TENM4: variants seen among roughly 807,000 people sequenced by gnomAD.
TENM4 encodes teneurin transmembrane protein 4.
TENM4 carries 82 observed loss-of-function variants against 243.3 expected under a neutral mutation model. That is an observed-to-expected ratio of 0.34 (90% CI 0.28 to 0.40). The LOEUF is 0.40. Among genes scored for constraint, TENM4 ranks in the 10% least tolerant of loss-of-function variants. TENM4 has a pLI of 1.00. For missense variants in TENM4, 3,138 were observed against 3,673.3 expected, an observed-to-expected ratio of 0.85 and a Z score of 3.77; for synonymous variants, 1,412 against 1,456.3, an observed-to-expected ratio of 0.97 and a Z score of 0.69.
chr11:78,783,794 A>G (rs925575691), intron 16 of TENM4, among the ~76,000 whole-genome samples: 3 of 152,338 alleles, frequency 2.0e-5, no homozygotes, highest in Non-Finnish European at 2.9e-5. Context: ...TGTAGCTTCC[A>G]TGAAAGATAA....
intron 4 of TENM4, among the ~76,000 whole-genome samples, chr11:79,137,363 C>A (rs754914392): frequency 6.6e-6 from 1 of 152,082 alleles, no homozygotes; most frequent in Non-Finnish European, 1.5e-5. Context: ...TACAGGAGAT[C>A]CATTAGGGCA....
intron 6 of TENM4, among the ~76,000 whole-genome samples, chr11:78,928,120 A>T (rs1591136652): frequency 6.6e-6 from 1 of 152,052 alleles, no homozygotes; most frequent in Admixed American, 6.6e-5. Flanking sequence ...CCATCCCTAG[A>T]CTACCCCAGC....
chr11:79,011,234 G>T lies in TENM4; in HGVS notation c.493+53504C>A, dbSNP rs192465088. ...CAAGAGGGTGCTCGCTCAGCTTTCT[G>T]CTTGCTCCCTTATTGGCTGGGCACT... On this transcript the variant is annotated intron_variant, in intron 6 of 33. Coordinates refer to ENST00000278550, the MANE Select transcript of TENM4 (RefSeq NM_001098816.3). Among the ~76,000 whole-genome samples, 4 of 152,292 alleles carry T rather than the reference G, an allele frequency of 2.6e-5. No individual in the cohort carries two copies. In the East Asian group the frequency reaches 7.7e-4, roughly 29 times the overall value.
chr11:79,044,328 G>A (rs1193518710), intron 6 of TENM4, among the ~76,000 whole-genome samples: 1 of 152,160 alleles, frequency 6.6e-6, no homozygotes, highest in Non-Finnish European at 1.5e-5. Context: ...AGAAGGTCAG[G>A]GCACTAATAA....
At chr11:79,416,133 T>G (rs1386795437) in intron 1 of TENM4, among the ~76,000 whole-genome samples, 1 of 152,246 alleles carries the variant, frequency 6.6e-6, no homozygotes. Context: ...TGTTTATCCA[T>G]TCACCTGTTG....
intron 6 of TENM4, among the ~76,000 whole-genome samples, chr11:78,959,934 T>C (rs192073746): frequency 2.3e-4 from 35 of 151,952 alleles, no homozygotes; most frequent in African/African-American, 7.5e-4. Context: ...ATTACACATA[T>C]ACACACACAC....
chr11:78,875,958 T>G lies in TENM4; in HGVS notation c.1085-12826A>C, dbSNP rs1046853212. On this transcript the variant is annotated intron_variant, in intron 9 of 33. Coordinates refer to ENST00000278550, the MANE Select transcript of TENM4 (RefSeq NM_001098816.3). ...AGGCAAGCTGCAGACAGAAGGGCAA[T>G]GTGGCCCTTGTTTGTTCTGAGCCTC... Among the ~76,000 whole-genome samples, 3 of 152,170 alleles carry G rather than the reference T, an allele frequency of 2.0e-5. No homozygotes were observed. The East Asian group carries it at 5.8e-4, about 29-fold the overall frequency.
intron 11 of TENM4, 75 bp from the exon 12 acceptor site, chr11:78,854,389 T>G: frequency 7.5e-7 from 1 of 1,339,534 alleles, no homozygotes. Context: ...GGGCTTCTCC[T>G]GGAGAGGACA....
At chr11:79,337,820 G>A (rs977081876) in intron 1 of TENM4, among the ~76,000 whole-genome samples, 3 of 152,024 alleles carry the variant, frequency 2.0e-5, no homozygotes, top group Admixed American at 6.6e-5. Flanking sequence ...CCATGCCATC[G>A]AAGGCCTTGC....
At chr11:79,131,929 A>G (rs1390980073) in intron 4 of TENM4, among the ~76,000 whole-genome samples, 1 of 152,230 alleles carries the variant, frequency 6.6e-6, no homozygotes, top group African/African-American at 2.4e-5. Flanking sequence ...AACAGAAGTT[A>G]AAAGAGACAG....
chr11:78,958,812 A>G (rs1471302201), intron 6 of TENM4, among the ~76,000 whole-genome samples: 7 of 152,240 alleles, frequency 4.6e-5, no homozygotes, highest in Admixed American at 6.5e-5. Flanking sequence ...TTTGTAATTT[A>G]AAATATAATC....
intron 1 of TENM4, among the ~76,000 whole-genome samples, chr11:79,314,106 G>T (rs1856765798): frequency 6.6e-6 from 1 of 152,150 alleles, no homozygotes; most frequent in Non-Finnish European, 1.5e-5. Context: ...GAAGGCCTGG[G>T]TTCAAATCCA....
In TENM4 at chr11:79,047,756, G is replaced by C. The variant is rs34816146; in HGVS notation, c.493+16982C>G. Among the ~76,000 whole-genome samples, 1,140 of 152,248 alleles carry C rather than the reference G, an allele frequency of 7.5e-3. 11 individuals carry two copies. The highest frequency in any genetic ancestry group is 0.013 in the Non-Finnish European group (868 of 68,014). Reference sequence around the variant, plus strand: ...TTCAGCCTTATTAGGCAGGTGGCCTGACAGCTGGCACTTAATTTGTTTGAG... The same window carrying C: ...TTCAGCCTTATTAGGCAGGTGGCCTCACAGCTGGCACTTAATTTGTTTGAG... On this transcript the variant is annotated intron_variant, in intron 6 of 33. Coordinates refer to ENST00000278550, the MANE Select transcript of TENM4 (RefSeq NM_001098816.3).
intron 16 of TENM4, among the ~76,000 whole-genome samples, chr11:78,779,787 G>A (rs757168106): frequency 5.9e-5 from 9 of 152,252 alleles, no homozygotes; most frequent in African/African-American, 1.4e-4. Context: ...AGACAGGACC[G>A]GACTGCAACG....
At position 78,862,980 on chromosome 11, in the gene TENM4, C is replaced by T. The variant is rs1436712706; in HGVS notation, c.1237G>A (p.Gly413Ser). The change falls in exon 10 of 34, where the codon GGC becomes AGC. Residue 413 changes from glycine to serine, a missense_variant. Gly to Ser is a moderately conservative substitution (Grantham distance 56, BLOSUM62 0). Around this residue, in one of 2 missense-constraint regions of TENM4, gnomAD observed 671 missense variants for 614.1 expected, o/e 1.09. Coordinates refer to ENST00000278550, the MANE Select transcript of TENM4 (RefSeq NM_001098816.3). The part of the protein sequence containing the change: ...GTGLETPDRK[G>S]KGTTEGKPSS... ...ACCCTACCTTCTGTGGTTCCTTTGC[C>T]TTTCCTGTCAGGGGTCTCTAAGCCA... 1 of 1,470,488 alleles carries T rather than the reference C, an allele frequency of 6.8e-7. No homozygotes were observed. Among genetic ancestry groups the T allele is most frequent in the Non-Finnish European group, 9.2e-7 (1 of 1,091,600 alleles). 91.1% of individuals were successfully genotyped at this position (1,470,488 alleles called of 1,614,324 possible).
intron 4 of TENM4, among the ~76,000 whole-genome samples, chr11:79,124,393 A>G (rs1861818252): frequency 6.6e-6 from 1 of 152,138 alleles, no homozygotes; most frequent in Non-Finnish European, 1.5e-5. Context: ...GCAGGCAGAA[A>G]AATGTGAAAG....
chr11:79,363,518 G>A lies in TENM4; in HGVS notation c.-320-65975C>T, dbSNP rs942952092. Among the ~76,000 whole-genome samples the A allele has an allele frequency of 3.9e-5, 6 of 152,230 alleles. No individual in the cohort carries two copies. In the East Asian group the frequency reaches 7.7e-4, roughly 20 times the overall value. On this transcript the variant is annotated intron_variant, in intron 1 of 33. Coordinates refer to ENST00000278550, the MANE Select transcript of TENM4 (RefSeq NM_001098816.3). ...TCGGTGCAGTCTGTTGTGACTATCC[G>A]CTGTCTCTGAAACTCATGTTTCCTC...
intron 23 of TENM4, among the ~76,000 whole-genome samples, chr11:78,725,039 A>G (rs930284856): frequency 6.6e-6 from 1 of 152,158 alleles, no homozygotes; most frequent in Non-Finnish European, 1.5e-5. Context: ...TTTCCAATTC[A>G]GTTATTTTGG....
intron 3 of TENM4, among the ~76,000 whole-genome samples, chr11:79,164,057 T>C (rs539184110): frequency 5.4e-5 from 1 of 18,642 alleles, no homozygotes; most frequent in African/African-American, 1.7e-4. Flanking sequence ...AAATACTATG[T>C]ATATATAGTG....
Sources: gnomAD v4.1 joint callset for allele counts (sites outside exome capture counted in the v4.1 genomes callset) on GRCh38, gnomAD v4.1.1 for gene constraint, gnomAD v4.1.1 regional missense constraint, MANE v1.5 for transcripts, NCBI Gene and HGNC (gene_info 2026-07-23, HGNC 2026-07-21) for gene names.